The following SPRY3 variants were observed in gnomAD, a reference collection of about 807,000 sequenced individuals.
SPRY3 encodes the protein sprouty RTK signaling antagonist 3.
SPRY3 carries 15 observed loss-of-function variants against 20.2 expected under a neutral mutation model. That is an observed-to-expected ratio of 0.74 (90% CI 0.50 to 1.14). The LOEUF is 1.14. SPRY3 is among the 50% of genes most tolerant of loss of function. The pLI, the probability that SPRY3 is intolerant of heterozygous loss-of-function variation, is 0.00. For synonymous variants in SPRY3, 143 were observed against 136.5 expected (o/e 1.05, Z -0.33); for missense variants, 364 against 363.9 (o/e 1.00, Z 0.00).
intron 2 of SPRY3, among the ~76,000 whole-genome samples, chrX:155,766,862 G>A (rs1244987697): frequency 6.6e-6 from 1 of 152,172 alleles, no homozygotes; most frequent in Non-Finnish European, 1.5e-5. Context: ...AGTAGGTTGG[G>A]TAATGGTTTC....
At chrX:155,687,632 AG>A (rs2068091213) in intron 2 of SPRY3, among the ~76,000 whole-genome samples, 1 of 112,109 alleles carries the variant, frequency 8.9e-6, no homozygotes, top group Non-Finnish European at 1.9e-5. Flanking sequence ...TCATTGTAGC[AG>A]GGTAGTTGCC....
At chrX:155,781,473 T>C (rs1048830674), downstream of SPRY3, 6 of 166,988 alleles carry the variant, frequency 3.6e-5, no homozygotes, top group Admixed American at 3.9e-4. Flanking sequence ...ATGCAGATAG[T>C]GAGGCTAAGA....
At chrX:155,731,981 G>C (rs1451878356) in intron 2 of SPRY3, among the ~76,000 whole-genome samples, 3 of 151,944 alleles carry the variant, frequency 2.0e-5, no homozygotes, top group African/African-American at 7.2e-5. Flanking sequence ...ATAGCATTCT[G>C]TTTTTAGTAA....
At chrX:155,627,310 G>A (rs782157714) in intron 1 of SPRY3, among the ~76,000 whole-genome samples, 16 of 111,716 alleles carry the variant, frequency 1.4e-4, no homozygotes, top group Non-Finnish European at 1.9e-4. Context: ...GATTTCACAC[G>A]CATGAGATCA....
intron 2 of SPRY3, among the ~76,000 whole-genome samples, chrX:155,746,939 C>T (rs2091229998): frequency 6.6e-6 from 1 of 151,856 alleles, no homozygotes; most frequent in African/African-American, 2.4e-5. Context: ...TTTCCATTTA[C>T]TCTTTCTTTA....
intron 2 of SPRY3, among the ~76,000 whole-genome samples, chrX:155,764,328 A>G (rs1244583424): frequency 6.6e-6 from 1 of 152,226 alleles, no homozygotes; most frequent in African/African-American, 2.4e-5. Flanking sequence ...TCTGAAGTGC[A>G]CTGCTACAAC....
intron 2 of SPRY3, among the ~76,000 whole-genome samples, chrX:155,692,159 GAGGGAA>G: frequency 9.0e-6 from 1 of 110,813 alleles, no homozygotes; most frequent in African/African-American, 3.3e-5. Context: ...GAGGGATAAA[GAGGGAA>G]TAGTAAATGG....
At chrX:155,704,071 T>C (rs746616657) in intron 2 of SPRY3, among the ~76,000 whole-genome samples, 2 of 152,034 alleles carry the variant, frequency 1.3e-5, no homozygotes, top group South Asian at 4.2e-4. Context: ...CCTTGGTCTC[T>C]ATTTCCTACC....
chrX:155,739,308 C>G (rs1318147784), intron 2 of SPRY3, among the ~76,000 whole-genome samples: 1 of 151,998 alleles, frequency 6.6e-6, no homozygotes, highest in Admixed American at 6.5e-5. Context: ...TAACTCTGAT[C>G]TCTCCCTGAG....
intron 1 of SPRY3, among the ~76,000 whole-genome samples, chrX:155,636,928 G>A (rs782083971): frequency 1.3e-4 from 14 of 104,436 alleles, no homozygotes; most frequent in Non-Finnish European, 2.7e-4. Flanking sequence ...GTAAACTATC[G>A]CAAGAACAAA....
At chrX:155,729,920 T>G (rs990404473) in intron 2 of SPRY3, among the ~76,000 whole-genome samples, 1 of 152,106 alleles carries the variant, frequency 6.6e-6, no homozygotes, top group African/African-American at 2.4e-5. Context: ...GTGGCTACTA[T>G]GAGCAACTAT....
chrX:155,703,802 T>C (rs923938444), intron 2 of SPRY3, among the ~76,000 whole-genome samples: 5 of 152,014 alleles, frequency 3.3e-5, no homozygotes, highest in Admixed American at 3.3e-4. Flanking sequence ...TCCCAGAGAT[T>C]CTGGTATGTG....
intron 2 of SPRY3, among the ~76,000 whole-genome samples, chrX:155,744,886 C>T (rs1163213293): frequency 2.6e-5 from 4 of 151,938 alleles, no homozygotes; most frequent in Admixed American, 1.3e-4. Flanking sequence ...GATTGGGCTT[C>T]AGGGGTTCTT....
chrX:155,631,340 C>T (rs181995830), intron 1 of SPRY3, among the ~76,000 whole-genome samples: 13 of 112,385 alleles, frequency 1.2e-4, no homozygotes, highest in South Asian at 3.7e-4. Flanking sequence ...TTTATCCAAT[C>T]TGCCATTGAT....
intron 2 of SPRY3, among the ~76,000 whole-genome samples, chrX:155,667,492 T>C (rs1331074332): frequency 1.8e-5 from 2 of 110,768 alleles, no homozygotes; most frequent in Non-Finnish European, 3.8e-5. Context: ...GAAAGGAAGA[T>C]AGAATAGGCA....
chrX:155,668,557 A>G (rs1557354500), intron 2 of SPRY3, among the ~76,000 whole-genome samples: 1 of 110,670 alleles, frequency 9.0e-6, no homozygotes, highest in Non-Finnish European at 1.9e-5. Flanking sequence ...ACTGTTCTTT[A>G]TGCACTTTTA....
chrX:155,765,620 CT>C (rs1457044201), intron 2 of SPRY3, among the ~76,000 whole-genome samples: 1 of 152,110 alleles, frequency 6.6e-6, no homozygotes, highest in East Asian at 1.9e-4. Context: ...ATCAATTTAA[CT>C]TTTTTTGTCA....
chrX:155,705,236 G>A (rs1305201854), intron 2 of SPRY3, among the ~76,000 whole-genome samples: 1 of 151,484 alleles, frequency 6.6e-6, no homozygotes, highest in Non-Finnish European at 1.5e-5. Flanking sequence ...CAATGGATGG[G>A]AGGGAGCAAT....
downstream of SPRY3, chrX:155,777,657 A>C (rs1603014064): frequency 5.0e-5 from 8 of 160,438 alleles, 1 homozygote; most frequent in African/African-American, 1.7e-4. Context: ...ACACATCTCT[A>C]TATATTTTAA....
Sources: gnomAD v4.1 joint callset for allele counts (sites outside exome capture counted in the v4.1 genomes callset) on GRCh38, gnomAD v4.1.1 for gene constraint, MANE v1.5 for transcripts, NCBI Gene and HGNC (gene_info 2026-07-23, HGNC 2026-07-21) for gene names.